CFAP299: variants seen among roughly 807,000 people sequenced by gnomAD.
CFAP299 encodes cilia and flagella associated protein 299.
In CFAP299, 21 loss-of-function variants were observed where a neutral mutation model predicts 27.0. The ratio of observed to expected loss-of-function variants is 0.78; its 90% CI spans 0.55 to 1.12. CFAP299 has a LOEUF of 1.12. Among genes scored for constraint, CFAP299 ranks in the 50% most tolerant of loss-of-function variants. The probability of loss-of-function intolerance (pLI) is 0.00; values close to 1 mark genes in which losing one functional copy is unlikely to be tolerated. For synonymous variants in CFAP299, 104 were observed against 98.1 expected (o/e 1.06, Z -0.36); for missense variants, 310 against 276.6 (o/e 1.12, Z -0.86).
At chr4:80,615,645 C>A (rs1214920658) in intron 3 of CFAP299, among the ~76,000 whole-genome samples, 3 of 151,980 alleles carry the variant, frequency 2.0e-5, no homozygotes, top group African/African-American at 4.8e-5. Flanking sequence ...AAGTGATCCT[C>A]CTTTACTCAG....
intron 3 of CFAP299, among the ~76,000 whole-genome samples, chr4:80,757,146 C>A (rs1337535836): frequency 1.3e-5 from 2 of 151,970 alleles, no homozygotes; most frequent in Non-Finnish European, 2.9e-5. Context: ...CACAACCTAT[C>A]AAAGTTTGAT....
At chr4:80,876,437 C>T (rs1371800466) in intron 4 of CFAP299, among the ~76,000 whole-genome samples, 1 of 152,114 alleles carries the variant, frequency 6.6e-6, no homozygotes, top group Non-Finnish European at 1.5e-5. Flanking sequence ...TCCTGCTTTC[C>T]TGGGAAGAGG....
intron 3 of CFAP299, among the ~76,000 whole-genome samples, chr4:80,642,972 T>C (rs1739807115): frequency 2.0e-5 from 3 of 151,580 alleles, no homozygotes; most frequent in Admixed American, 1.3e-4. Context: ...GCCAGTGAAA[T>C]AGGAGGAAAA....
chr4:80,358,188 T>C (rs1218525490), intron 1 of CFAP299, among the ~76,000 whole-genome samples: 1 of 152,198 alleles, frequency 6.6e-6, no homozygotes, highest in African/African-American at 2.4e-5. Context: ...TTGATTGTGC[T>C]TTGGTCCAAG....
At chr4:80,765,137 A>G (rs915952485) in intron 3 of CFAP299, among the ~76,000 whole-genome samples, 1 of 152,150 alleles carries the variant, frequency 6.6e-6, no homozygotes, top group South Asian at 2.1e-4. Context: ...ATGGCACAGG[A>G]TGAAATTAAG....
rs546070242 is a variant in CFAP299, at chr4:80,603,989, G to T, written c.333+20806G>T. Among the ~76,000 whole-genome samples the T allele has an allele frequency of 5.9e-5, 9 of 152,104 alleles. No homozygotes were observed. The East Asian group carries it at 1.7e-3, about 29-fold the overall frequency. On this transcript the variant is annotated intron_variant, in intron 3 of 5. Coordinates refer to ENST00000358105, the MANE Select transcript of CFAP299 (RefSeq NM_152770.3). The stretch of plus-strand genomic sequence containing the variant: ...CCTCATGTGGTAGCAAAGACAAAGT[G>T]TTCACTTAAAAAATACTTGAATATA...
chr4:80,921,968 G>T (rs1736069314), intron 4 of CFAP299, among the ~76,000 whole-genome samples: 1 of 151,976 alleles, frequency 6.6e-6, no homozygotes, highest in Non-Finnish European at 1.5e-5. Flanking sequence ...AAAAATGTAA[G>T]ATAGAAAATT....
intron 2 of CFAP299, among the ~76,000 whole-genome samples, chr4:80,376,910 C>T (rs936588872): frequency 2.0e-5 from 3 of 152,198 alleles, no homozygotes; most frequent in African/African-American, 7.2e-5. Flanking sequence ...CCACCTCGGC[C>T]TCCCAAAGTG....
chr4:80,865,582 C>A (rs765634801), intron 3 of CFAP299, among the ~76,000 whole-genome samples: 1 of 152,004 alleles, frequency 6.6e-6, no homozygotes, highest in African/African-American at 2.4e-5. Context: ...TAATTCCAAT[C>A]GGATTTTAAA....
At chr4:80,795,241 A>G (rs1391823158) in intron 3 of CFAP299, among the ~76,000 whole-genome samples, 2 of 152,132 alleles carry the variant, frequency 1.3e-5, no homozygotes, top group Non-Finnish European at 2.9e-5. Context: ...TTTTCCAATC[A>G]TGCTTCTTCC....
chr4:80,828,356 GGAATA>G (rs1246268684), intron 3 of CFAP299, among the ~76,000 whole-genome samples: 1 of 151,940 alleles, frequency 6.6e-6, no homozygotes, highest in Non-Finnish European at 1.5e-5. Context: ...ATAGATCAAT[GGAATA>G]GAAAAGTCGA....
intron 3 of CFAP299, among the ~76,000 whole-genome samples, chr4:80,800,012 G>A (rs181461227): frequency 0.12 from 5,768 of 49,916 alleles, 393 homozygotes; most frequent in African/African-American, 0.22. Context: ...TATATAATAA[G>A]TAATATATAT....
intron 5 of CFAP299, among the ~76,000 whole-genome samples, chr4:80,953,361 T>C (rs1233066332): frequency 6.6e-6 from 1 of 152,182 alleles, no homozygotes; most frequent in Non-Finnish European, 1.5e-5. Context: ...TACTGAATGT[T>C]TGGTTGATTA....
At chr4:80,475,113 A>G (rs2110120372) in intron 2 of CFAP299, among the ~76,000 whole-genome samples, 1 of 152,278 alleles carries the variant, frequency 6.6e-6, no homozygotes, top group Admixed American at 6.5e-5. Flanking sequence ...TGAGAAGGCC[A>G]TGTGGCTCGG....
chr4:80,600,683 GT>G (rs1737295097), intron 3 of CFAP299, among the ~76,000 whole-genome samples: 3 of 152,054 alleles, frequency 2.0e-5, no homozygotes, highest in African/African-American at 7.2e-5. Flanking sequence ...GAAAAGGTCA[GT>G]TTTTTGTTGT....
intron 5 of CFAP299, among the ~76,000 whole-genome samples, chr4:80,950,467 G>A (rs1737719417): frequency 6.6e-6 from 1 of 152,110 alleles, no homozygotes; most frequent in African/African-American, 2.4e-5. Context: ...AATGTACTTT[G>A]GACCAAAGAT....
At chr4:80,893,846 A>G (rs953995310) in intron 4 of CFAP299, among the ~76,000 whole-genome samples, 7 of 152,014 alleles carry the variant, frequency 4.6e-5, no homozygotes, top group Admixed American at 3.9e-4. Context: ...ACAGGCAACA[A>G]AAGCAAAAAT....
At chr4:80,379,560 G>A (rs958499297) in intron 2 of CFAP299, among the ~76,000 whole-genome samples, 2 of 151,684 alleles carry the variant, frequency 1.3e-5, no homozygotes, top group African/African-American at 4.8e-5. Flanking sequence ...CACTGATTTA[G>A]TTGGATTTCA....
intron 4 of CFAP299, chr4:80,870,452 A>G: frequency 9.8e-7 from 1 of 1,021,666 alleles, no homozygotes; most frequent in Non-Finnish European, 1.2e-6. Context: ...TCTGTCCAGA[A>G]GCCTCAAGAA....
Sources: gnomAD v4.1 joint callset for allele counts (sites outside exome capture counted in the v4.1 genomes callset) on GRCh38, gnomAD v4.1.1 for gene constraint, MANE v1.5 for transcripts, NCBI Gene and HGNC (gene_info 2026-07-23, HGNC 2026-07-21) for gene names.